The following PPP1R12B variants were observed in gnomAD, a reference collection of about 807,000 sequenced individuals.
PPP1R12B encodes myosin phosphatase target subunit 2.
Under a neutral mutation model 126.1 loss-of-function variants are expected in PPP1R12B, and 76 were observed. The observed-to-expected ratio is 0.60, with a 90% CI of 0.50 to 0.73. The LOEUF is 0.73. PPP1R12B is among the 30% of genes least tolerant of loss of function. The pLI is 0.00. For missense variants in PPP1R12B, 1,052 were observed against 1,205.1 expected, an observed-to-expected ratio of 0.87 and a Z score of 1.88; for synonymous variants, 356 against 434.7, an observed-to-expected ratio of 0.82 and a Z score of 2.25.
At chr1:202,458,745 CTT>C (rs1295710692) in intron 13 of PPP1R12B, among the ~76,000 whole-genome samples, 2 of 152,184 alleles carry the variant, frequency 1.3e-5, no homozygotes, top group Non-Finnish European at 2.9e-5. Context: ...TAATTCTACT[CTT>C]GAAGCTGCAG....
rs151263761 is a variant in PPP1R12B, at chr1:202,557,764, A to G, written c.2491-1113A>G. On this transcript the variant is annotated intron_variant, in intron 18 of 23. Transcript: ENST00000608999. ...AGTGTGCAGGATTATTCTGATGAGT[A>G]TAACCCCTGATTTAAAGAGAGATTC... 3.3e-5 allele frequency among the ~76,000 whole-genome samples: 5 copies of G among 152,364 alleles called. No homozygotes were observed. The East Asian group carries it at 9.6e-4, about 29-fold the overall frequency.
intron 2 of PPP1R12B, among the ~76,000 whole-genome samples, chr1:202,420,542 C>T (rs1668610754): frequency 6.6e-6 from 1 of 152,132 alleles, no homozygotes; most frequent in East Asian, 1.9e-4. Context: ...GGGCACACTT[C>T]AATCCAGGAA....
chr1:202,522,983 C>T (rs1396232429), intron 18 of PPP1R12B, among the ~76,000 whole-genome samples: 2 of 152,120 alleles, frequency 1.3e-5, no homozygotes, highest in Admixed American at 1.3e-4. Context: ...CTCTTAGAAA[C>T]CAGTATATCA....
intron 18 of PPP1R12B, among the ~76,000 whole-genome samples, chr1:202,501,370 C>T (rs1289823288): frequency 3.3e-5 from 5 of 152,124 alleles, no homozygotes; most frequent in Admixed American, 6.5e-5. Flanking sequence ...GGCCTGGATT[C>T]CATTTTCTTT....
chr1:202,527,526 TATAAG>T (rs1465000645), intron 18 of PPP1R12B: 1 of 152,202 alleles, frequency 6.6e-6, no homozygotes, highest in Non-Finnish European at 1.5e-5. Context: ...ATATTTAAAA[TATAAG>T]ATTATTTTGA....
chr1:202,358,920 A>G (rs1657631417), intron 1 of PPP1R12B, among the ~76,000 whole-genome samples: 1 of 152,194 alleles, frequency 6.6e-6, no homozygotes, highest in East Asian at 1.9e-4. Flanking sequence ...TTCATGATAT[A>G]TCTGGCATGA....
chr1:202,405,524 C>A (rs192125288), intron 1 of PPP1R12B, among the ~76,000 whole-genome samples: 50 of 152,288 alleles, frequency 3.3e-4, no homozygotes, highest in African/African-American at 1.0e-3. Flanking sequence ...ATAATAATAG[C>A]AGCTAACACG....
intron 18 of PPP1R12B, among the ~76,000 whole-genome samples, chr1:202,518,978 C>T (rs1360767752): frequency 3.3e-5 from 5 of 152,176 alleles, no homozygotes; most frequent in African/African-American, 1.2e-4. Context: ...ATGCAATACA[C>T]TGTGCCTCAC....
intron 18 of PPP1R12B, among the ~76,000 whole-genome samples, chr1:202,533,175 G>A (rs1467627299): frequency 6.6e-6 from 1 of 152,120 alleles, no homozygotes; most frequent in Non-Finnish European, 1.5e-5. Context: ...TTTACCAGTT[G>A]TCCTAATGAA....
At chr1:202,362,992 C>G (rs760764811) in intron 1 of PPP1R12B, among the ~76,000 whole-genome samples, 7 of 152,072 alleles carry the variant, frequency 4.6e-5, no homozygotes, top group Non-Finnish European at 8.8e-5. Context: ...CACCATCATG[C>G]CCAGCTGATT....
Position 202,434,776 on chromosome 1 carries a change from C to G in PPP1R12B, c.1254+8C>G, listed in dbSNP as rs1406333681. On this transcript the variant is annotated splice_region_variant and intron_variant, in intron 9 of 23. Transcript: ENST00000608999. Reference sequence around the variant, plus strand: ...GCCTCTTCTGCTAGGAGGGTGAGTACTTTTTACTTAATTTGGGAATTAGAT... The same window carrying G: ...GCCTCTTCTGCTAGGAGGGTGAGTAGTTTTTACTTAATTTGGGAATTAGAT... The G allele has an allele frequency of 3.1e-6, 5 of 1,612,660 alleles. No individual in the cohort carries two copies. In the South Asian group the frequency reaches 4.4e-5, roughly 14 times the overall value.
At chr1:202,438,528 GC>G (rs2148683421) in intron 10 of PPP1R12B, 1 of 411,258 alleles carries the variant, frequency 2.4e-6, no homozygotes. Context: ...TGAAAGAGCT[GC>G]CCCCGCTGGG....
chr1:202,425,449 A>G, intron 3 of PPP1R12B, 117 bp from the exon 4 acceptor site: 1 of 1,143,254 alleles, frequency 8.7e-7, no homozygotes, highest in Non-Finnish European at 1.3e-6. Context: ...ACCCAACTTG[A>G]TGGCTAAATT....
In PPP1R12B at chr1:202,562,789, G is replaced by A; in HGVS notation, c.2519G>A (p.Gly840Glu). 4 of 1,611,648 alleles carry A rather than the reference G, an allele frequency of 2.5e-6. No homozygotes were observed. The highest frequency in any genetic ancestry group is 3.4e-6 in the Non-Finnish European group (4 of 1,178,380). The change falls in exon 20 of 24, where the codon GGA (glycine) becomes GAA (glutamate). Residue 840 changes from glycine (G) to glutamate (E), a missense_variant. By Grantham distance (98) the Gly-to-Glu change is moderately conservative. Transcript: ENST00000608999. ...WHERLSRLES[G>E]GSNPTTSDSY... ...ATTATCTCCCACAGGTTGGAATCGGGAGGTAGTAATCCTACAACCAGTGAT... is the reference window on the plus strand; with the variant it reads ...ATTATCTCCCACAGGTTGGAATCGGAAGGTAGTAATCCTACAACCAGTGAT...
intron 14 of PPP1R12B, among the ~76,000 whole-genome samples, chr1:202,491,561 A>T (rs961012178): frequency 2.0e-5 from 3 of 152,198 alleles, no homozygotes; most frequent in African/African-American, 7.2e-5. Context: ...TTTATTGAAT[A>T]AAAAAATGAG....
rs1470256146 is a variant in PPP1R12B, at chr1:202,564,620, A to G, written c.2757+73A>G. The G allele has an allele frequency of 5.9e-6, 7 of 1,196,444 alleles. No homozygotes were observed. In the East Asian group the frequency reaches 1.7e-4, roughly 29 times the overall value. 74.1% of individuals were successfully genotyped at this position (1,196,444 alleles called of 1,614,324 possible). A position where few individuals can be genotyped will look rare whatever the true frequency, so the allele number is the denominator to read the frequency against. ...AGGAAGCAAACTAGACTAGGGATCT[A>G]AGGGACAGGAAGTAAGATAGAGTCA... On this transcript the variant is annotated intron_variant, in intron 21 of 23. Transcript: ENST00000608999.
intron 1 of PPP1R12B, among the ~76,000 whole-genome samples, chr1:202,377,351 G>T (rs1661347268): frequency 6.6e-6 from 1 of 151,408 alleles, no homozygotes; most frequent in Admixed American, 6.6e-5. Flanking sequence ...CGCCCAGGCT[G>T]GAGTTCAGTG....
chr1:202,425,652 G>C lies in PPP1R12B; in HGVS notation c.628G>C (p.Asp210His), dbSNP rs1477206111. 3.1e-6 allele frequency: 5 copies of C among 1,613,868 alleles called. No homozygotes were observed. In the African/African-American group the frequency reaches 6.7e-5, roughly 22 times the overall value. The change falls in exon 4 of 24, where the codon GAT becomes CAT. Residue 210 changes from aspartate to histidine, a missense_variant. By Grantham distance (81) the Asp-to-His change is moderately conservative. Coordinates refer to ENST00000608999, the MANE Select transcript of PPP1R12B (RefSeq NM_002481.4). ...GTGGCTCAACAGTGGGAAAATAGAG[G>C]ATGTGAGGCAGGCTCGCTCAGGGGC... ...RQWLNSGKIE[D>H]VRQARSGATA...
Position 202,567,690 on chromosome 1 carries a change from T to C in PPP1R12B, c.2758-88T>C, listed in dbSNP as rs914195378. On this transcript the variant is annotated intron_variant, in intron 21 of 23. Transcript: ENST00000608999. ...CAAAGTTTTACTGTTTATTTCTAGA[T>C]GTCTAGTAGTGAAGCTGAACTAGAC... 9 of 1,364,148 alleles carry C rather than the reference T, an allele frequency of 6.6e-6. No individual in the cohort carries two copies. The African/African-American group carries it at 1.3e-4, about 20-fold the overall frequency. 84.5% of individuals were successfully genotyped at this position (1,364,148 alleles called of 1,614,324 possible).
Sources: allele counts gnomAD v4.1 joint callset (sites outside exome capture counted in the v4.1 genomes callset), GRCh38; gene constraint gnomAD v4.1.1; transcripts MANE v1.5; gene names NCBI Gene and HGNC (gene_info 2026-07-23, HGNC 2026-07-21).